Variants in DRC8 observed in about 807,000 individuals in gnomAD.
The protein encoded by DRC8 is dynein regulatory complex subunit 8.
the DRC8 span, among the ~76,000 whole-genome samples, chr1:244,999,589 T>C: frequency 9.8e-5 from 15 of 152,330 alleles, no homozygotes; most frequent in East Asian, 2.5e-3. Flanking sequence ...GAATTTGATA[T>C]AGCTTTGAAG....
the DRC8 span, among the ~76,000 whole-genome samples, chr1:245,102,334 A>ATTTG: frequency 2.6e-3 from 390 of 148,558 alleles, 7 homozygotes; most frequent in South Asian, 0.02. Context: ...TAGGAACTTT[A>ATTTG]TTTATTTATT....
At chr1:245,117,081 T>C in the DRC8 span, among the ~76,000 whole-genome samples, 1 of 152,130 alleles carries the variant, frequency 6.6e-6, no homozygotes, top group Non-Finnish European at 1.5e-5. Context: ...TGAGACAGAG[T>C]CTTGCTCTGT....
the DRC8 span, among the ~76,000 whole-genome samples, chr1:245,118,838 A>AAG: frequency 6.6e-6 from 1 of 151,958 alleles, no homozygotes; most frequent in South Asian, 2.1e-4. Flanking sequence ...AAGAAAAGAA[A>AAG]AAAATAATGA....
At chr1:245,085,966 A>T in the DRC8 span, among the ~76,000 whole-genome samples, 3 of 152,358 alleles carry the variant, frequency 2.0e-5, no homozygotes, top group South Asian at 6.2e-4. Context: ...CTCGATGGCG[A>T]GTATGATGGT....
At chr1:245,048,991 T>C in the DRC8 span, among the ~76,000 whole-genome samples, 21 of 151,292 alleles carry the variant, frequency 1.4e-4, no homozygotes, top group East Asian at 4.1e-3. Flanking sequence ...CTTTTCTTTT[T>C]TTTTTTTTTT....
At chr1:245,013,879 A>T in the DRC8 span, among the ~76,000 whole-genome samples, 1 of 151,746 alleles carries the variant, frequency 6.6e-6, no homozygotes, top group Non-Finnish European at 1.5e-5. Flanking sequence ...AAAAATACGA[A>T]AGTGAGCTTG....
chr1:245,098,938 G>A, the DRC8 span, among the ~76,000 whole-genome samples: 2 of 152,222 alleles, frequency 1.3e-5, no homozygotes, highest in Non-Finnish European at 2.9e-5. Context: ...AGGCACTGGG[G>A]TTCTTAATTT....
chr1:244,971,146 T>G, the DRC8 span: 1 of 151,726 alleles, frequency 6.6e-6, no homozygotes, highest in Non-Finnish European at 1.5e-5. Context: ...TTCCCGGTCC[T>G]CCGAAATGCC....
At chr1:245,030,950 T>C in the DRC8 span, 7 of 152,310 alleles carry the variant, frequency 4.6e-5, no homozygotes, top group African/African-American at 7.2e-5. Flanking sequence ...CTTATTTTGG[T>C]TAAGTAGCCA....
At chr1:244,974,592 T>TA in the DRC8 span, among the ~76,000 whole-genome samples, 1 of 152,286 alleles carries the variant, frequency 6.6e-6, no homozygotes, top group East Asian at 1.9e-4. Flanking sequence ...AAATATAAAG[T>TA]AAAAAACAGA....
the DRC8 span, chr1:245,083,928 C>T: frequency 4.7e-6 from 2 of 428,218 alleles, no homozygotes; most frequent in East Asian, 4.3e-5. Context: ...GTGATTACTT[C>T]TATAATTTCA....
the DRC8 span, among the ~76,000 whole-genome samples, chr1:245,085,075 G>A: frequency 6.6e-6 from 1 of 152,176 alleles, no homozygotes. Flanking sequence ...ACTGTTGTGT[G>A]CCTACTATAT....
the DRC8 span, among the ~76,000 whole-genome samples, chr1:245,026,753 G>A: frequency 2.0e-5 from 3 of 152,196 alleles, no homozygotes; most frequent in East Asian, 3.9e-4. Flanking sequence ...AAAAAACAAC[G>A]TTGAATTTAA....
chr1:245,021,202 G>C, the DRC8 span, among the ~76,000 whole-genome samples: 1 of 152,138 alleles, frequency 6.6e-6, no homozygotes, highest in East Asian at 1.9e-4. Context: ...TAAAATGTAA[G>C]CTTTAATTTC....
chr1:245,116,682 A>T, the DRC8 span, among the ~76,000 whole-genome samples: 8 of 152,238 alleles, frequency 5.3e-5, no homozygotes, highest in African/African-American at 1.9e-4. Context: ...CACCTTGAGT[A>T]TCTGGCTAAA....
At chr1:244,989,059 A>G in the DRC8 span, among the ~76,000 whole-genome samples, 40 of 152,278 alleles carry the variant, frequency 2.6e-4, no homozygotes, top group African/African-American at 9.1e-4. Context: ...TTCAAAGTAC[A>G]ATGTTAATAA....
chr1:245,096,578 C>G, the DRC8 span, among the ~76,000 whole-genome samples: 2 of 152,212 alleles, frequency 1.3e-5, no homozygotes, highest in Non-Finnish European at 2.9e-5. Context: ...AATAATGACA[C>G]TGAGCAAGAG....
At chr1:245,080,976 C>T in the DRC8 span, among the ~76,000 whole-genome samples, 1 of 152,138 alleles carries the variant, frequency 6.6e-6, no homozygotes, top group Admixed American at 6.6e-5. Context: ...TATTCAGTTT[C>T]CTCTAGGTGA....
At chr1:244,998,155 C>G in the DRC8 span, among the ~76,000 whole-genome samples, 1 of 152,078 alleles carries the variant, frequency 6.6e-6, no homozygotes, top group African/African-American at 2.4e-5. Flanking sequence ...ATTGACTGAC[C>G]ACCATCTCCT....
Sources: allele counts gnomAD v4.1 joint callset (sites outside exome capture counted in the v4.1 genomes callset), GRCh38; gene constraint gnomAD v4.1.1; transcripts MANE v1.5; gene names NCBI Gene and HGNC (gene_info 2026-07-23, HGNC 2026-07-21).